AGAP1: variants seen among roughly 807,000 people sequenced by gnomAD.
The protein encoded by AGAP1 is ArfGAP with GTPase domain, ankyrin repeat and PH domain 1.
AGAP1 carries 29 observed loss-of-function variants against 105.3 expected under a neutral mutation model. The ratio of observed to expected loss-of-function variants is 0.28; its 90% CI spans 0.21 to 0.38. The LOEUF (loss-of-function observed/expected upper bound fraction) is 0.38, where lower values mean the gene tolerates loss of function less well. AGAP1 is among the 10% of genes least tolerant of loss of function. The probability of loss-of-function intolerance (pLI) is 1.00; values close to 1 mark genes in which losing one functional copy is unlikely to be tolerated. For synonymous variants in AGAP1, 509 were observed against 485.9 expected, an observed-to-expected ratio of 1.05 and a Z score of -0.63; for missense variants, 998 against 1,165.1, an observed-to-expected ratio of 0.86 and a Z score of 2.09.
chr2:235,699,183 C>A (rs1302666299), intron 1 of AGAP1, among the ~76,000 whole-genome samples: 3 of 152,056 alleles, frequency 2.0e-5, no homozygotes, highest in Non-Finnish European at 4.4e-5. Flanking sequence ...CAGCTTTTCT[C>A]CTACTTTGGT....
chr2:235,499,136 GC>G (rs1179230948), intron 1 of AGAP1, among the ~76,000 whole-genome samples: 2 of 152,200 alleles, frequency 1.3e-5, no homozygotes, highest in African/African-American at 2.4e-5. Context: ...GGTGAGCTGG[GC>G]CCGTCCGACC....
At chr2:235,672,258 T>A (rs1451078766) in intron 1 of AGAP1, among the ~76,000 whole-genome samples, 1 of 152,180 alleles carries the variant, frequency 6.6e-6, no homozygotes, top group African/African-American at 2.4e-5. Flanking sequence ...TAAATGACTG[T>A]CCTTATGGAA....
chr2:235,688,855 G>A (rs1349130741), intron 1 of AGAP1, among the ~76,000 whole-genome samples: 1 of 152,170 alleles, frequency 6.6e-6, no homozygotes, highest in Non-Finnish European at 1.5e-5. Flanking sequence ...CGCTAGTGCT[G>A]TTTGAGGGCC....
Position 235,573,524 on chromosome 2 carries a change from T to C in AGAP1, c.163+78675T>C, listed in dbSNP as rs143723420. Among the ~76,000 whole-genome samples, 363 of 152,222 alleles carry C rather than the reference T, an allele frequency of 2.4e-3. 1 individual carries two copies. The highest frequency in any genetic ancestry group is 3.7e-3 in the Admixed American group (56 of 15,310). On this transcript the variant is annotated intron_variant, in intron 1 of 17. Transcript: ENST00000304032. ...TATTTAAATTCTTATTTAGTCAGTG[T>C]GTATAATGTTTAATCAAATGATGTC...
chr2:235,844,245 G>A (rs1388682885), intron 9 of AGAP1, among the ~76,000 whole-genome samples: 2 of 152,136 alleles, frequency 1.3e-5, no homozygotes, highest in Non-Finnish European at 2.9e-5. Flanking sequence ...GAATTAAAAT[G>A]TTTAACTTGA....
chr2:235,897,862 C>G (rs920830735), intron 10 of AGAP1, among the ~76,000 whole-genome samples: 4 of 152,058 alleles, frequency 2.6e-5, no homozygotes, highest in Non-Finnish European at 5.9e-5. Flanking sequence ...TTGCTGAGGT[C>G]TTGGAAGGTA....
intron 9 of AGAP1, among the ~76,000 whole-genome samples, chr2:235,857,056 G>A (rs991753349): frequency 2.0e-5 from 3 of 152,172 alleles, no homozygotes; most frequent in Admixed American, 2.0e-4. Flanking sequence ...GTGAGCCTGA[G>A]ATGCTACACT....
rs766980262 is a variant in AGAP1, at chr2:235,549,114, T to A, written c.163+54265T>A. On this transcript the variant is annotated intron_variant, in intron 1 of 17. Coordinates refer to ENST00000304032, the MANE Select transcript of AGAP1 (RefSeq NM_001037131.3). The surrounding 1 kb of genome is among the most constrained non-coding windows in gnomAD (Gnocchi z 4.2). ...CCAGGGTACTTGGAGCTCATGCTAATGACTAAATCATTCAAGCCTTCTTCT... is the reference window on the plus strand; with the variant it reads ...CCAGGGTACTTGGAGCTCATGCTAAAGACTAAATCATTCAAGCCTTCTTCT... Among the ~76,000 whole-genome samples the A allele has an allele frequency of 2.0e-5, 3 of 152,242 alleles. No homozygotes were observed. The highest frequency in any genetic ancestry group is 2.9e-5 in the Non-Finnish European group (2 of 68,046).
chr2:235,552,330 G>A lies in AGAP1; in HGVS notation c.163+57481G>A, dbSNP rs1943840962. 6.6e-6 allele frequency among the ~76,000 whole-genome samples: 1 copy of A among 152,234 alleles called. No homozygotes were observed. The highest frequency in any genetic ancestry group is 1.5e-5 in the Non-Finnish European group (1 of 68,048). ...ACATTTAATAACTGGAAGTAGCTTA[G>A]GAAGCCAGGTTTGGAGTGCTGCCTT... On this transcript the variant is annotated intron_variant, in intron 1 of 17. Transcript: ENST00000304032. The surrounding 1 kb of genome is among the most constrained non-coding windows in gnomAD (Gnocchi z 5.9).
In AGAP1 at chr2:235,770,133, C is replaced by CTTTTTTTTTTTTTTTTTTTTTTTTTT. The variant is rs57008190; in HGVS notation, c.673+19657_673+19658insTTTTTTTTTTTTTTTTTTTTTTTTTT. ...CACACATTTTTTTCTTTCTTTGTTT[C>CTTTTTTTTTTTTTTTTTTTTTTTTTT]TTTTTTTTTTTTGAGACGGAGTCTC... On this transcript the variant is annotated intron_variant, in intron 6 of 17. Transcript: ENST00000304032. 2.9e-5 allele frequency among the ~76,000 whole-genome samples: 4 copies of CTTTTTTTTTTTTTTTTTTTTTTTTTT among 136,656 alleles called. No homozygotes were observed. In the Admixed American group the frequency reaches 3.2e-4, roughly 11 times the overall value. 89.7% of individuals were successfully genotyped at this position (136,656 alleles called of 152,430 possible).
Position 235,553,345 on chromosome 2 carries a change from T to C in AGAP1, c.163+58496T>C, listed in dbSNP as rs1479716463. ...TCAGAGGAAGTTGGGTTTTTTTTTG[T>C]CTTGGTCAGGTCACGATGTTCCTGT... On this transcript the variant is annotated intron_variant, in intron 1 of 17. Coordinates refer to ENST00000304032, the MANE Select transcript of AGAP1 (RefSeq NM_001037131.3). The surrounding 1 kb of genome is among the most constrained non-coding windows in gnomAD (Gnocchi z 4.5). 1.3e-5 allele frequency among the ~76,000 whole-genome samples: 2 copies of C among 151,952 alleles called. No homozygotes were observed. The highest frequency in any genetic ancestry group is 2.9e-5 in the Non-Finnish European group (2 of 67,976).
chr2:235,739,167 GAGGTGGGGCA>G lies in AGAP1; in HGVS notation c.311-1793_311-1784del, dbSNP rs201969239. On this transcript the variant is annotated intron_variant, in intron 3 of 17. Coordinates refer to ENST00000304032, the MANE Select transcript of AGAP1 (RefSeq NM_001037131.3). The surrounding 1 kb of genome is among the most constrained non-coding windows in gnomAD (Gnocchi z 5.3). ...GCATCTGGGGACACTGAGATGGGGC[GAGGTGGGGCA>G]AGACTACACAGCTGTATGTGGCAGA... Among the ~76,000 whole-genome samples the G allele has an allele frequency of 6.6e-3, 1,003 of 152,222 alleles. 7 individuals are homozygous for G. The highest frequency in any genetic ancestry group is 0.023 in the African/African-American group (950 of 41,532).
chr2:235,783,166 CCAAAGA>C (rs1342285189), intron 6 of AGAP1: 17 of 340,478 alleles, frequency 5.0e-5, no homozygotes, highest in Non-Finnish European at 9.3e-5. Flanking sequence ...CATGATGTCA[CCAAAGA>C]CAAAGTGTTT....
chr2:235,978,607 C>G (rs1324606914), intron 13 of AGAP1, among the ~76,000 whole-genome samples: 3 of 152,204 alleles, frequency 2.0e-5, no homozygotes, highest in Non-Finnish European at 4.4e-5. Context: ...TGAGTGGCCT[C>G]TGGGACTTGG....
chr2:235,869,911 C>T (rs977252788), intron 9 of AGAP1, among the ~76,000 whole-genome samples: 3 of 152,188 alleles, frequency 2.0e-5, no homozygotes, highest in Non-Finnish European at 4.4e-5. Context: ...AACAAGGCTG[C>T]GCAGGCTTCC....
rs1157806509 is a variant in AGAP1 at position 235,845,351 on chromosome 2, A to C, written c.1051-37994A>C. ...TCAGGGGACCCCCAGAGCAAAATCC[A>C]ACACCATGCTGGCTTCTGGGAGTGC... On this transcript the variant is annotated intron_variant, in intron 9 of 17. Coordinates refer to ENST00000304032, the MANE Select transcript of AGAP1 (RefSeq NM_001037131.3). This position sits in a 1 kb window ranked among gnomAD's most constrained non-coding sequence, Gnocchi z 4.8. 2.0e-5 allele frequency among the ~76,000 whole-genome samples: 3 copies of C among 152,104 alleles called. No homozygotes were observed. The highest frequency in any genetic ancestry group is 4.4e-5 in the Non-Finnish European group (3 of 68,016).
chr2:235,840,231 T>G (rs1005374059), intron 9 of AGAP1, among the ~76,000 whole-genome samples: 2 of 151,586 alleles, frequency 1.3e-5, no homozygotes, highest in African/African-American at 4.8e-5. Flanking sequence ...GGCTTCAGCC[T>G]CTGTGCATTC....
At position 235,793,777 on chromosome 2, in the gene AGAP1, A is replaced by G. The variant is rs57745031; in HGVS notation, c.674-3982A>G. On this transcript the variant is annotated intron_variant, in intron 6 of 17. Transcript: ENST00000304032. The surrounding 1 kb of genome is among the most constrained non-coding windows in gnomAD (Gnocchi z 5.3). ...TCATTTTGTGTGATTTAGAAACAAG[A>G]TGGAAGTAGAAATTGGGCATTATGT... Among the ~76,000 whole-genome samples the G allele has an allele frequency of 0.041, 6,207 of 152,166 alleles. 421 individuals carry two copies. Among genetic ancestry groups the G allele is most frequent in the African/African-American group, 0.14 (5,771 of 41,466 alleles).
chr2:236,016,381 CTTTT>C (rs151088125), intron 13 of AGAP1, among the ~76,000 whole-genome samples: 2,170 of 114,644 alleles, frequency 0.019, 33 homozygotes, highest in African/African-American at 0.061. Flanking sequence ...GTTGGGTTTG[CTTTT>C]TTTTTTTTTT....
Sources: gnomAD v4.1 joint callset for allele counts (sites outside exome capture counted in the v4.1 genomes callset) on GRCh38, gnomAD v4.1.1 for gene constraint, Gnocchi (gnomAD v3.1) non-coding constraint, MANE v1.5 for transcripts, NCBI Gene and HGNC (gene_info 2026-07-23, HGNC 2026-07-21) for gene names.